The following NDNF variants were observed in gnomAD, a reference collection of about 807,000 sequenced individuals.
NDNF encodes the protein protein NDNF.
Under a neutral mutation model 42.0 loss-of-function variants are expected in NDNF, and 16 were observed. The ratio of observed to expected loss-of-function variants is 0.38; its 90% CI spans 0.26 to 0.58. The LOEUF (loss-of-function observed/expected upper bound fraction) is 0.58, where lower values mean the gene tolerates loss of function less well. NDNF is among the 20% of genes least tolerant of loss of function. The probability of loss-of-function intolerance (pLI) is 0.67; values close to 1 mark genes in which losing one functional copy is unlikely to be tolerated. For synonymous variants in NDNF, 248 were observed against 251.7 expected (o/e 0.99, Z 0.14); for missense variants, 616 against 666.2 (o/e 0.92, Z 0.83).
intron 1 of NDNF, chr4:121,061,251 T>G (rs1295734647): frequency 6.6e-6 from 1 of 152,574 alleles, no homozygotes; most frequent in Non-Finnish European, 1.5e-5. Context: ...TGAGAGCTTG[T>G]TTGGAGGTTC....
At position 121,035,983 on chromosome 4, in the gene NDNF, A is replaced by T; in HGVS notation, c.*281T>A. The T allele has an allele frequency of 2.9e-6, 1 of 348,746 alleles. No homozygotes were observed. Among genetic ancestry groups the T allele is most frequent in the Non-Finnish European group, 5.2e-6 (1 of 193,698 alleles). The allele number at this position is 348,746 out of a possible 1,614,324, so 21.6% of individuals were successfully genotyped here. A position where few individuals can be genotyped will look rare whatever the true frequency, so the allele number is the denominator to read the frequency against. Reference sequence around the variant, plus strand: ...TAATAAAATAATTTAGAAGCAGTTCATGCAGTGGTCAAAGCAAGGAATGGC... The same window carrying T: ...TAATAAAATAATTTAGAAGCAGTTCTTGCAGTGGTCAAAGCAAGGAATGGC... On this transcript the variant is annotated 3_prime_UTR_variant, in exon 4 of 4. Transcript: ENST00000379692.
At position 121,040,583 on chromosome 4, in the gene NDNF, A is replaced by G. The variant is rs191319684; in HGVS notation, c.189-529T>C. Among the ~76,000 whole-genome samples the G allele has an allele frequency of 1.5e-3, 231 of 152,352 alleles. 1 individual carries two copies. The highest frequency in any genetic ancestry group is 5.3e-3 in the African/African-American group (220 of 41,582). On this transcript the variant is annotated intron_variant, in intron 2 of 3. Transcript: ENST00000379692. ...AAACTGTGTGTTTGTCTCTGGCAAT[A>G]TAACGCTGTATTCACATTTTTACAT...
intron 1 of NDNF, 193 bp downstream of exon 1, chr4:121,071,800 T>C (rs1362247467): frequency 1.3e-5 from 2 of 148,196 alleles, no homozygotes; most frequent in African/African-American, 2.5e-5. Flanking sequence ...AACCTGCTCC[T>C]GCCCCTCATG....
chr4:121,036,540 C>G lies in NDNF; in HGVS notation c.1431G>C (p.Lys477Asn), dbSNP rs1041408706. The change falls in exon 4 of 4, where the codon AAG becomes AAC. Residue 477 changes from lysine (K) to asparagine (N), a missense_variant. Physicochemically the swap from Lys to Asn is moderately conservative, Grantham distance 94. Transcript: ENST00000379692. Reference protein sequence around the residue: ...VAWLGTQERNKFCIYKKEVDD... With the variant: ...VAWLGTQERNNFCIYKKEVDD... ...CCACTTCTTTTTTGTAGATGCAAAA[C>G]TTGTTCCTTTCCTGAGTGCCTAGCC... 2.5e-6 allele frequency: 4 copies of G among 1,614,142 alleles called. No individual in the cohort carries two copies. The highest frequency in any genetic ancestry group is 3.4e-6 in the Non-Finnish European group (4 of 1,180,012).
chr4:121,062,844 C>T (rs1727436888), intron 1 of NDNF, among the ~76,000 whole-genome samples: 1 of 151,978 alleles, frequency 6.6e-6, no homozygotes, highest in Admixed American at 6.5e-5. Context: ...CTCGAAAATG[C>T]CTGGTGGTTG....
intron 1 of NDNF, among the ~76,000 whole-genome samples, chr4:121,050,242 T>G (rs1727171477): frequency 6.6e-6 from 1 of 152,230 alleles, no homozygotes; most frequent in African/African-American, 2.4e-5. Context: ...AATTAGTCAT[T>G]GAGAATAAAC....
Position 121,036,666 on chromosome 4 carries a change from A to G in NDNF, c.1305T>C (p.Ala435=). The G allele has an allele frequency of 2.5e-6, 4 of 1,614,164 alleles. No individual in the cohort carries two copies. Among genetic ancestry groups the G allele is most frequent in the Non-Finnish European group, 3.4e-6 (4 of 1,180,012 alleles). ...ATGACTGCTTAGTAGGCCTTGTGGT[A>G]GCTAGAATTTTCAACATAGATGCTC... ...KKGASMLKIL[A]TTRPTKQSFP... The change falls in exon 4 of 4, where the codon GCT becomes GCC. Residue 435 remains alanine, a synonymous_variant. Transcript: ENST00000379692.
At chr4:121,057,602 T>G (rs954490483) in intron 1 of NDNF, among the ~76,000 whole-genome samples, 1 of 152,086 alleles carries the variant, frequency 6.6e-6, no homozygotes, top group African/African-American at 2.4e-5. Context: ...GATTAGAGGC[T>G]CTCCGGCTCG....
chr4:121,040,100 A>G, intron 2 of NDNF, 46 bp from the exon 3 acceptor site: 2 of 1,568,916 alleles, frequency 1.3e-6, no homozygotes, highest in Non-Finnish European at 1.7e-6. Flanking sequence ...TCTTTCTAAC[A>G]TTTACAATCA....
Position 121,036,292 on chromosome 4 carries a change from T to C in NDNF, c.1679A>G (p.Lys560Arg). ...ACAGAACTTTCTAGTTTTCACAACC[T>C]TACTCTGATACTTTACAGAGTGCCC... ...HGGHSVKYQS[K>R]VVKTRKFC The change falls in exon 4 of 4, where the codon AAG becomes AGG. Residue 560 changes from lysine to arginine, a missense_variant. Coordinates refer to ENST00000379692, the MANE Select transcript of NDNF (RefSeq NM_024574.4). 6.2e-7 allele frequency: 1 copy of C among 1,610,562 alleles called. No homozygotes were observed.
At chr4:121,046,246 A>G (rs1477493832) in intron 1 of NDNF, among the ~76,000 whole-genome samples, 2 of 152,174 alleles carry the variant, frequency 1.3e-5, no homozygotes, top group Admixed American at 6.5e-5. Context: ...AGTTATACCA[A>G]TGGTTGGTTG....
intron 2 of NDNF, among the ~76,000 whole-genome samples, chr4:121,040,348 T>A (rs1015784222): frequency 9.9e-5 from 15 of 152,042 alleles, no homozygotes; most frequent in Non-Finnish European, 1.8e-4. Flanking sequence ...GTATTTTGAG[T>A]TAAAAATCAA....
Position 121,037,414 on chromosome 4 carries a change from G to A in NDNF, c.557C>T (p.Ser186Leu). 1.2e-6 allele frequency: 2 copies of A among 1,614,158 alleles called. No homozygotes were observed. Among genetic ancestry groups the A allele is most frequent in the Non-Finnish European group, 1.7e-6 (2 of 1,180,026 alleles). ...CAAAGTGACCGTGGTGCGCCCCAGT[G>A]AGGTCACATCTACTCTTGGGTCATA... ...LPYDPRVDVT[S>L]LGRTTVTLAW... The change falls in exon 4 of 4, where the codon TCA (serine) becomes TTA (leucine). Residue 186 changes from serine to leucine, a missense_variant. By Grantham distance (145) the Ser-to-Leu change is moderately radical. Coordinates refer to ENST00000379692, the MANE Select transcript of NDNF (RefSeq NM_024574.4).
rs1272330510 is a variant in NDNF, at chr4:121,036,629, G to T, written c.1342C>A (p.Pro448Thr). ...AAGGCTTTGATTCTTGTGTCTTCAG[G>T]AAGAGAGGGAAATGACTGCTTAGTA... is the stretch of plus-strand genomic sequence containing the variant. ...RPTKQSFPSL[P>T]EDTRIKAFDK... The change falls in exon 4 of 4, where the codon CCT becomes ACT. Residue 448 changes from proline to threonine, a missense_variant. Coordinates refer to ENST00000379692, the MANE Select transcript of NDNF (RefSeq NM_024574.4). 6.2e-7 allele frequency: 1 copy of T among 1,614,190 alleles called. No homozygotes were observed.
At chr4:121,059,548 T>A (rs928876625) in intron 1 of NDNF, among the ~76,000 whole-genome samples, 2 of 152,222 alleles carry the variant, frequency 1.3e-5, no homozygotes, top group African/African-American at 4.8e-5. Context: ...TGCCATACAG[T>A]GATGGCATGT....
chr4:121,063,310 C>A (rs914495798), intron 1 of NDNF, among the ~76,000 whole-genome samples: 4 of 152,182 alleles, frequency 2.6e-5, no homozygotes, highest in African/African-American at 9.6e-5. Flanking sequence ...CTCTAATAAA[C>A]TTTTGAGTTA....
At chr4:121,064,854 T>C (rs1004779299) in intron 1 of NDNF, among the ~76,000 whole-genome samples, 3 of 152,182 alleles carry the variant, frequency 2.0e-5, no homozygotes, top group South Asian at 4.1e-4. Flanking sequence ...GTAGATATAA[T>C]TGTACATTTC....
chr4:121,047,757 C>T (rs1048129464), intron 1 of NDNF, among the ~76,000 whole-genome samples: 1 of 152,192 alleles, frequency 6.6e-6, no homozygotes, highest in Non-Finnish European at 1.5e-5. Flanking sequence ...ACTGAATAAA[C>T]TTTTCTTCCT....
chr4:121,048,095 G>T (rs927048550), intron 1 of NDNF, among the ~76,000 whole-genome samples: 1 of 152,174 alleles, frequency 6.6e-6, no homozygotes, highest in Non-Finnish European at 1.5e-5. Context: ...AATGGCATTT[G>T]CTATGCTGCC....
Sources: allele counts gnomAD v4.1 joint callset (sites outside exome capture counted in the v4.1 genomes callset), GRCh38; gene constraint gnomAD v4.1.1; transcripts MANE v1.5; gene names NCBI Gene and HGNC (gene_info 2026-07-23, HGNC 2026-07-21).